RANBP2: variants seen among roughly 807,000 people sequenced by gnomAD.
The protein encoded by RANBP2 is RAN binding protein 2.
In RANBP2, 57 loss-of-function variants were observed where a neutral mutation model predicts 303.6. The observed-to-expected ratio is 0.19, with a 90% CI of 0.15 to 0.23. RANBP2 has a LOEUF of 0.23. RANBP2 is among the 10% of genes least tolerant of loss of function. The probability of loss-of-function intolerance (pLI) is 1.00; values close to 1 mark genes in which losing one functional copy is unlikely to be tolerated. For synonymous variants in RANBP2, 1,167 were observed against 1,301.5 expected (o/e 0.90, Z 2.23); for missense variants, 3,138 against 3,780.8 (o/e 0.83, Z 4.46).
chr2:108,754,444 T>G (rs1451237398), intron 15 of RANBP2, among the ~76,000 whole-genome samples: 4 of 151,002 alleles, frequency 2.6e-5, no homozygotes, highest in South Asian at 2.1e-4. Flanking sequence ...TCTGAGTGTT[T>G]TGTTGATTAA....
At chr2:109,566,803 A>T in the RANBP2 span, among the ~76,000 whole-genome samples, 1 of 152,198 alleles carries the variant, frequency 6.6e-6, no homozygotes, top group Non-Finnish European at 1.5e-5. Context: ...GTTCAGGGGC[A>T]GGGAGTAGAC....
At chr2:109,035,731 C>G in the RANBP2 span, among the ~76,000 whole-genome samples, 1 of 152,222 alleles carries the variant, frequency 6.6e-6, no homozygotes, top group African/African-American at 2.4e-5. Flanking sequence ...TGATTGAGTG[C>G]TTGAACTCTC....
At chr2:109,514,147 T>C in the RANBP2 span, among the ~76,000 whole-genome samples, 1 of 152,182 alleles carries the variant, frequency 6.6e-6, no homozygotes, top group Non-Finnish European at 1.5e-5. Flanking sequence ...TGAGGTTTGG[T>C]TGAAACTTAA....
chr2:109,078,134 T>TGCCATTTGCAACAACGTGGGAC, the RANBP2 span, among the ~76,000 whole-genome samples: 2 of 69,606 alleles, frequency 2.9e-5, no homozygotes, highest in Non-Finnish European at 5.3e-5. Context: ...TATATATATA[T>TGCCATTTGCAACAACGTGGGAC]AGCGTGTATA....
At chr2:108,994,922 CG>C in the RANBP2 span, among the ~76,000 whole-genome samples, 1 of 150,478 alleles carries the variant, frequency 6.6e-6, no homozygotes, top group Non-Finnish European at 1.5e-5. Flanking sequence ...CTCCACCTCC[CG>C]GGTTCACGCC....
the RANBP2 span, among the ~76,000 whole-genome samples, chr2:109,403,610 G>A: frequency 3.5e-4 from 53 of 152,300 alleles, no homozygotes; most frequent in Admixed American, 2.8e-3. Flanking sequence ...AGGTCCCTGC[G>A]GTGCTCCATA....
chr2:108,938,756 T>C, the RANBP2 span, among the ~76,000 whole-genome samples: 1 of 152,140 alleles, frequency 6.6e-6, no homozygotes, highest in African/African-American at 2.4e-5. Context: ...TTGCTTTAAA[T>C]TACAAAATGC....
At chr2:109,354,438 G>A in the RANBP2 span, among the ~76,000 whole-genome samples, 1 of 152,232 alleles carries the variant, frequency 6.6e-6, no homozygotes, top group Non-Finnish European at 1.5e-5. Context: ...CAGGGCTGTG[G>A]GCCACTCATG....
chr2:108,893,953 A>ACATAT, the RANBP2 span, among the ~76,000 whole-genome samples: 3 of 152,116 alleles, frequency 2.0e-5, no homozygotes, highest in Non-Finnish European at 1.5e-5. Context: ...ATTCCCCAAT[A>ACATAT]CATATCATTT....
intron 2 of RANBP2, 90 bp from the exon 3 acceptor site, chr2:108,730,684 G>A (rs1255413936): frequency 1.4e-6 from 2 of 1,473,604 alleles, no homozygotes; most frequent in East Asian, 4.6e-5. Context: ...CGAGTTTAGT[G>A]GTTGCTTTGG....
chr2:109,229,919 G>A, the RANBP2 span, among the ~76,000 whole-genome samples: 543 of 151,208 alleles, frequency 3.6e-3, 2 homozygotes, highest in Non-Finnish European at 5.6e-3. Context: ...CTGCCTCCTG[G>A]GTTCACGCCA....
At chr2:109,688,907 TCTTC>T in the RANBP2 span, among the ~76,000 whole-genome samples, 1 of 135,548 alleles carries the variant, frequency 7.4e-6, no homozygotes, top group Non-Finnish European at 1.5e-5. Context: ...TTCCTTCCTT[TCTTC>T]CTTCCTTCCT....
Position 108,775,848 on chromosome 2 carries a change from T to A in RANBP2, c.8409T>A (p.Ile2803=). 6.2e-7 allele frequency: 1 copy of A among 1,613,720 alleles called. No homozygotes were observed. ...AACCTGATTCTATTACCAAATCCATTAGTTCACCATCTGTTTCCTCTGAAA... is the reference window on the plus strand; with the variant it reads ...AACCTGATTCTATTACCAAATCCATAAGTTCACCATCTGTTTCCTCTGAAA... ...SEEPDSITKS[I]SSPSVSSETM... is the part of the protein sequence containing the mutation. The change falls in exon 24 of 29, where the codon ATT becomes ATA. Residue 2803 remains isoleucine (I), a synonymous_variant. Transcript: ENST00000283195.
chr2:109,669,268 C>A, the RANBP2 span, among the ~76,000 whole-genome samples: 1 of 152,116 alleles, frequency 6.6e-6, no homozygotes, highest in Non-Finnish European at 1.5e-5. Context: ...CTGGTCTAGG[C>A]AAAAGTTTTT....
chr2:109,201,167 C>T, the RANBP2 span, among the ~76,000 whole-genome samples: 1 of 152,380 alleles, frequency 6.6e-6, no homozygotes, highest in African/African-American at 2.4e-5. Context: ...CTTCCGGCGG[C>T]CTCTGCATGG....
At chr2:108,920,763 A>G in the RANBP2 span, among the ~76,000 whole-genome samples, 4 of 152,212 alleles carry the variant, frequency 2.6e-5, no homozygotes, top group African/African-American at 7.2e-5. Context: ...CCTCAGGGTT[A>G]TTTGAGGGGC....
At chr2:109,257,299 T>C in the RANBP2 span, among the ~76,000 whole-genome samples, 1,095 of 150,586 alleles carry the variant, frequency 7.3e-3, 12 homozygotes, top group African/African-American at 0.026. Context: ...TTTTAAGTGA[T>C]GTGGGCTTAA....
the RANBP2 span, among the ~76,000 whole-genome samples, chr2:109,213,380 C>T: frequency 3.3e-5 from 5 of 152,158 alleles, no homozygotes; most frequent in Admixed American, 6.5e-5. Flanking sequence ...ACAGGAGGGA[C>T]GGACCAGGGC....
chr2:108,785,514 C>T lies in RANBP2; in HGVS notation c.*1613C>T, dbSNP rs1043897119. 1.3e-5 allele frequency: 2 copies of T among 152,166 alleles called. No individual in the cohort carries two copies. The highest frequency in any genetic ancestry group is 4.8e-5 in the African/African-American group (2 of 41,450). 9.4% of individuals were successfully genotyped at this position (152,166 alleles called of 1,614,324 possible). A position where few individuals can be genotyped will look rare whatever the true frequency, so the allele number is the denominator to read the frequency against. On this transcript the variant is annotated 3_prime_UTR_variant, in exon 29 of 29. Transcript: ENST00000283195. ...GACTTTTTACAGATTTGTATGCTTT[C>T]CTAAAGCACTAAAGTTACAAATTAA...
Sources: allele counts gnomAD v4.1 joint callset (sites outside exome capture counted in the v4.1 genomes callset), GRCh38; gene constraint gnomAD v4.1.1; transcripts MANE v1.5; gene names NCBI Gene and HGNC (gene_info 2026-07-23, HGNC 2026-07-21).